Variants in FADS2 observed in about 807,000 individuals in gnomAD.
The protein encoded by FADS2 is fatty acid desaturase 2.
In FADS2, 18 loss-of-function variants were observed where a neutral mutation model predicts 61.2. That is an observed-to-expected ratio of 0.29 (90% confidence interval 0.20 to 0.44). The LOEUF is 0.44. FADS2 is among the 20% of genes least tolerant of loss of function. The pLI is 1.00. For synonymous variants in FADS2, 203 were observed against 223.9 expected (o/e 0.91, Z 0.83); for missense variants, 322 against 572.7 (o/e 0.56, Z 4.47).
intron 7 of FADS2, among the ~76,000 whole-genome samples, chr11:61,858,980 A>G (rs1448570163): frequency 6.6e-6 from 1 of 152,238 alleles, no homozygotes; most frequent in African/African-American, 2.4e-5. Context: ...TTTGTCCCTC[A>G]TGCTCCAACC....
In FADS2 at chr11:61,816,797, C is replaced by T; in HGVS notation, c.141+371C>T. Reference sequence around the variant, plus strand: ...ACGCCGCGCGCCGGGCCAGCAGGGGCTGTCAGGCGCGTGCTCGGGGTCCGC... The same window carrying T: ...ACGCCGCGCGCCGGGCCAGCAGGGGTTGTCAGGCGCGTGCTCGGGGTCCGC... On this transcript the variant is annotated intron_variant, in intron 1 of 11. Coordinates refer to the FADS2 transcript ENST00000257261. The surrounding 1 kb of genome is among the most constrained non-coding windows in gnomAD (Gnocchi z 7.0). The T allele has an allele frequency of 6.7e-7, 1 of 1,503,052 alleles. No homozygotes were observed. Among genetic ancestry groups the T allele is most frequent in the African/African-American group, 1.4e-5 (1 of 69,238 alleles). 93.1% of individuals were successfully genotyped at this position (1,503,052 alleles called of 1,614,324 possible).
intron 4 of FADS2, chr11:61,847,907 C>T (rs1431604827): frequency 4.3e-6 from 2 of 460,444 alleles, no homozygotes; most frequent in Non-Finnish European, 8.1e-6. Context: ...CAGCAGCACG[C>T]CTCATCTGCC....
At chr11:61,834,501 C>G (rs1028610079) in intron 1 of FADS2, among the ~76,000 whole-genome samples, 1 of 152,164 alleles carries the variant, frequency 6.6e-6, no homozygotes, top group African/African-American at 2.4e-5. Context: ...GGAGGTGAGG[C>G]TGCCCGAGAG....
In FADS2 at chr11:61,857,086, C is replaced by A; in HGVS notation, c.805+15C>A. On this transcript the variant is annotated intron_variant, in intron 6 of 11. Transcript: ENST00000278840. ...CTTCTTCCTGAGTGAGTGCTCGGCGCCCCGAAATCACTCTGGGACCCTCCC... is the reference window on the plus strand; with the variant it reads ...CTTCTTCCTGAGTGAGTGCTCGGCGACCCGAAATCACTCTGGGACCCTCCC... 1 of 1,611,890 alleles carries A rather than the reference C, an allele frequency of 6.2e-7. No homozygotes were observed. Among genetic ancestry groups the A allele is most frequent in the Non-Finnish European group, 8.5e-7 (1 of 1,178,066 alleles).
At chr11:61,826,194 G>A (rs1201582343), upstream of FADS2, 1 of 702,382 alleles carries the variant, frequency 1.4e-6, no homozygotes, top group Non-Finnish European at 2.6e-6. Flanking sequence ...CTCAATTTGA[G>A]CCCCATCTAC....
chr11:61,833,334 C>A (rs1211809270), intron 1 of FADS2, among the ~76,000 whole-genome samples: 1 of 152,228 alleles, frequency 6.6e-6, no homozygotes, highest in East Asian at 1.9e-4. Context: ...TGCCTTGAAT[C>A]CTGGTCTGCC....
chr11:61,853,310 T>TCCTTCCTC (rs2067326832), intron 5 of FADS2, among the ~76,000 whole-genome samples: 1 of 130,300 alleles, frequency 7.7e-6, no homozygotes, highest in Non-Finnish European at 1.6e-5. Context: ...CTTCCTTCCT[T>TCCTTCCTC]CCTTCCTTCC....
chr11:61,845,451 G>A (rs1051878576), intron 4 of FADS2, among the ~76,000 whole-genome samples: 9 of 152,170 alleles, frequency 5.9e-5, no homozygotes, highest in Non-Finnish European at 1.2e-4. Flanking sequence ...CCCGGTGCCC[G>A]GAAGGAGGGG....
intron 7 of FADS2, among the ~76,000 whole-genome samples, chr11:61,861,494 A>G (rs1472827892): frequency 6.6e-6 from 1 of 152,078 alleles, no homozygotes; most frequent in Non-Finnish European, 1.5e-5. Flanking sequence ...AAAAAAAATA[A>G]TCCGTAACCC....
upstream of FADS2, among the ~76,000 whole-genome samples, chr11:61,824,407 A>G (rs2067054773): frequency 1.3e-4 from 1 of 7,716 alleles, no homozygotes; most frequent in Admixed American, 2.3e-3. Context: ...AGAGAGAGAG[A>G]GAGAGAGAGA....
chr11:61,865,377 C>G lies in FADS2; in HGVS notation c.1283+100C>G, dbSNP rs1451102421. On this transcript the variant is annotated intron_variant, in intron 11 of 11. Coordinates refer to ENST00000278840, the MANE Select transcript of FADS2 (RefSeq NM_004265.4). The surrounding 1 kb of genome is among the most constrained non-coding windows in gnomAD (Gnocchi z 4.1). Reference sequence around the variant, plus strand: ...TGGGCCCTCCTGGCACAGTCACCCACCAGGGCACCTGCCTTACTCCCGAGC... The same window carrying G: ...TGGGCCCTCCTGGCACAGTCACCCAGCAGGGCACCTGCCTTACTCCCGAGC... The G allele has an allele frequency of 1.4e-6, 2 of 1,426,064 alleles. No homozygotes were observed. Among genetic ancestry groups the G allele is most frequent in the Non-Finnish European group, 1.9e-6 (2 of 1,051,922 alleles). 88.3% of individuals were successfully genotyped at this position (1,426,064 alleles called of 1,614,324 possible).
intron 5 of FADS2, among the ~76,000 whole-genome samples, chr11:61,852,557 G>A (rs1302291189): frequency 2.6e-5 from 4 of 152,130 alleles, no homozygotes; most frequent in African/African-American, 4.8e-5. Context: ...CACTGTGCCC[G>A]GCCAAGGTCT....
At chr11:61,842,614 C>T (rs577332394) in intron 4 of FADS2, among the ~76,000 whole-genome samples, 71 of 152,274 alleles carry the variant, frequency 4.7e-4, no homozygotes, top group Non-Finnish European at 7.4e-4. Flanking sequence ...TGGATGACAG[C>T]AAACAGGGTC....
intron 7 of FADS2, among the ~76,000 whole-genome samples, chr11:61,861,625 A>C (rs948176464): frequency 3.3e-5 from 5 of 152,194 alleles, no homozygotes; most frequent in African/African-American, 1.2e-4. Context: ...CTCCCTCCTC[A>C]CCTTGAAGGC....
In FADS2 at chr11:61,844,222, G is replaced by T. The variant is rs174585; in HGVS notation, c.618+3497G>T. Among the ~76,000 whole-genome samples the T allele has an allele frequency of 3.1e-3, 465 of 152,194 alleles. 2 individuals are homozygous for T. Among genetic ancestry groups the T allele is most frequent in the Non-Finnish European group, 4.8e-3 (329 of 68,000 alleles). On this transcript the variant is annotated intron_variant, in intron 4 of 11. Transcript: ENST00000278840. The stretch of plus-strand genomic sequence containing the variant: ...TAAATGCTTTATTTATACCAAAACA[G>T]AACTTATTATACTTTTGCTTCAGTT...
At chr11:61,826,435 C>T (rs1318702105), upstream of FADS2, 5 of 694,084 alleles carry the variant, frequency 7.2e-6, no homozygotes, top group African/African-American at 7.1e-5. Flanking sequence ...CCTGGTTCTG[C>T]CTTTCAGCTA....
chr11:61,850,314 G>A (rs1267932870), intron 5 of FADS2, among the ~76,000 whole-genome samples: 5 of 151,914 alleles, frequency 3.3e-5, no homozygotes, highest in East Asian at 1.9e-4. Context: ...GCAGTGGCAC[G>A]ATCTTGGCTC....
At chr11:61,857,192 C>A in intron 6 of FADS2, 121 bp downstream of exon 6, 1 of 910,710 alleles carries the variant, frequency 1.1e-6, no homozygotes, top group Non-Finnish European at 1.8e-6. Flanking sequence ...TTGTTAGAAG[C>A]GGGGGCCACA....
At chr11:61,834,294 G>A (rs369697102) in intron 1 of FADS2, among the ~76,000 whole-genome samples, 5 of 152,336 alleles carry the variant, frequency 3.3e-5, no homozygotes, top group South Asian at 2.1e-4. Flanking sequence ...GGCAGGAAGC[G>A]TGTGGCACGT....
Sources: allele counts gnomAD v4.1 joint callset (sites outside exome capture counted in the v4.1 genomes callset), GRCh38; gene constraint gnomAD v4.1.1; non-coding constraint Gnocchi (gnomAD v3.1); transcripts MANE v1.5; gene names NCBI Gene and HGNC (gene_info 2026-07-23, HGNC 2026-07-21).